The following ARHGAP28 variants were observed in gnomAD, a reference collection of about 807,000 sequenced individuals.
ARHGAP28 encodes Rho GTPase activating protein 28.
In ARHGAP28, 56 loss-of-function variants were observed where a neutral mutation model predicts 90.7. The observed-to-expected ratio is 0.62, with a 90% confidence interval of 0.50 to 0.77. The LOEUF (loss-of-function observed/expected upper bound fraction) is 0.77, where lower values mean the gene tolerates loss of function less well. Ranked by LOEUF, ARHGAP28 falls within the 30% of genes least tolerant of loss-of-function variation. The pLI, the probability that ARHGAP28 is intolerant of heterozygous loss-of-function variation, is 0.00. For synonymous variants in ARHGAP28, 308 were observed against 323.3 expected (o/e 0.95, Z 0.51); for missense variants, 869 against 900.9 (o/e 0.96, Z 0.45).
chr18:6,762,462 C>T (rs2056169165), intron 1 of ARHGAP28, among the ~76,000 whole-genome samples: 1 of 152,204 alleles, frequency 6.6e-6, no homozygotes, highest in Admixed American at 6.5e-5. Flanking sequence ...TCAGTTTCCC[C>T]TTCAACATGC....
intron 1 of ARHGAP28, among the ~76,000 whole-genome samples, chr18:6,802,502 C>T (rs1230247112): frequency 6.6e-6 from 1 of 151,772 alleles, no homozygotes; most frequent in Non-Finnish European, 1.5e-5. Flanking sequence ...CCTGCCACCA[C>T]ATCTGGCTAA....
At chr18:6,882,386 C>A in intron 11 of ARHGAP28, 87 bp downstream of exon 11, 1 of 1,344,354 alleles carries the variant, frequency 7.4e-7, no homozygotes, top group Non-Finnish European at 1.0e-6. Context: ...CAAATGTGCT[C>A]ATGTATAGAT....
intron 16 of ARHGAP28, among the ~76,000 whole-genome samples, chr18:6,899,464 A>G (rs1337611844): frequency 6.6e-6 from 1 of 152,126 alleles, no homozygotes; most frequent in African/African-American, 2.4e-5. Flanking sequence ...TAGCCAAAGG[A>G]TTAGGTAAAG....
intron 5 of ARHGAP28, among the ~76,000 whole-genome samples, chr18:6,861,516 A>G (rs535588414): frequency 3.3e-5 from 5 of 152,292 alleles, no homozygotes; most frequent in African/African-American, 1.2e-4. Flanking sequence ...AGCTCCTGAC[A>G]TGGTCAGACC....
intron 2 of ARHGAP28, among the ~76,000 whole-genome samples, chr18:6,827,907 A>G (rs1476870404): frequency 7.0e-6 from 1 of 143,548 alleles, no homozygotes; most frequent in South Asian, 2.3e-4. Context: ...CCTAGATGGG[A>G]TGGCGGCCGG....
intron 1 of ARHGAP28, among the ~76,000 whole-genome samples, chr18:6,806,313 A>G (rs74590820): frequency 0.017 from 2,641 of 152,218 alleles, 81 homozygotes; most frequent in African/African-American, 0.061. Context: ...GCTATGTATT[A>G]TAATCTTTAT....
intron 10 of ARHGAP28, among the ~76,000 whole-genome samples, chr18:6,877,446 C>G (rs1330887677): frequency 1.3e-5 from 2 of 152,200 alleles, no homozygotes; most frequent in Non-Finnish European, 2.9e-5. Flanking sequence ...CTCACCCCGT[C>G]GTGGGCTGGG....
At chr18:6,753,256 A>G (rs2056084232) in intron 1 of ARHGAP28, among the ~76,000 whole-genome samples, 1 of 152,234 alleles carries the variant, frequency 6.6e-6, no homozygotes, top group Admixed American at 6.5e-5. Flanking sequence ...TGTAATTGCA[A>G]AAGCTTAAAG....
intron 1 of ARHGAP28, among the ~76,000 whole-genome samples, chr18:6,792,085 C>T (rs2056410732): frequency 6.6e-6 from 1 of 152,142 alleles, no homozygotes; most frequent in African/African-American, 2.4e-5. Flanking sequence ...ATGTGAACCA[C>T]TGTGCCTGGT....
At chr18:6,893,174 T>C (rs2057279245) in intron 14 of ARHGAP28, among the ~76,000 whole-genome samples, 1 of 152,186 alleles carries the variant, frequency 6.6e-6, no homozygotes, top group Non-Finnish European at 1.5e-5. Flanking sequence ...ACCCATCAAG[T>C]TCCAAGTTAG....
At chr18:6,798,984 A>G (rs1472046070) in intron 1 of ARHGAP28, among the ~76,000 whole-genome samples, 1 of 152,236 alleles carries the variant, frequency 6.6e-6, no homozygotes, top group Non-Finnish European at 1.5e-5. Flanking sequence ...GTAGTTTAAA[A>G]TTTAATAATT....
At position 6,882,086 on chromosome 18, in the gene ARHGAP28, G is replaced by A. The variant is rs145359473; in HGVS notation, c.1291-51G>A. ...GAACAGTTTTCGAAGGGGAAAATGG[G>A]GTCAGGTGGTAAAAGTGCATTGAAT... On this transcript the variant is annotated intron_variant, in intron 10 of 17. Coordinates refer to ENST00000383472, the MANE Select transcript of ARHGAP28 (RefSeq NM_001366230.1). 3.8e-4 allele frequency: 586 copies of A among 1,531,202 alleles called. 6 individuals carry two copies. The East Asian group carries it at 7.8e-3, about 20-fold the overall frequency. 94.9% of individuals were successfully genotyped at this position (1,531,202 alleles called of 1,614,324 possible). A position where few individuals can be genotyped will look rare whatever the true frequency, so the allele number is the denominator to read the frequency against.
At chr18:6,841,507 T>C (rs1474211575) in intron 3 of ARHGAP28, among the ~76,000 whole-genome samples, 2 of 151,564 alleles carry the variant, frequency 1.3e-5, no homozygotes, top group Middle Eastern at 3.2e-3. Flanking sequence ...AAAATACTTA[T>C]AAAGATATAA....
intron 16 of ARHGAP28, among the ~76,000 whole-genome samples, chr18:6,906,697 G>A (rs1212096190): frequency 1.3e-5 from 2 of 152,096 alleles, no homozygotes; most frequent in Admixed American, 1.3e-4. Context: ...TAATGTAGGA[G>A]AAAACATTTA....
intron 16 of ARHGAP28, among the ~76,000 whole-genome samples, chr18:6,905,777 AAC>A (rs1052147086): frequency 1.3e-5 from 2 of 152,168 alleles, no homozygotes; most frequent in African/African-American, 4.8e-5. Context: ...CAAAAGTAAA[AAC>A]ACAATACCCT....
At chr18:6,744,761 T>G (rs1399286665) in intron 1 of ARHGAP28, among the ~76,000 whole-genome samples, 1 of 152,184 alleles carries the variant, frequency 6.6e-6, no homozygotes, top group Non-Finnish European at 1.5e-5. Flanking sequence ...TCCAATAAGC[T>G]GAACTGATTT....
intron 1 of ARHGAP28, among the ~76,000 whole-genome samples, chr18:6,737,279 T>C (rs1036736327): frequency 6.6e-5 from 10 of 152,178 alleles, no homozygotes; most frequent in Non-Finnish European, 1.2e-4. Flanking sequence ...ATGACTGTTA[T>C]CATTAAGACA....
At chr18:6,842,481 CCT>C (rs913069571) in intron 3 of ARHGAP28, among the ~76,000 whole-genome samples, 1 of 152,216 alleles carries the variant, frequency 6.6e-6, no homozygotes, top group Non-Finnish European at 1.5e-5. Flanking sequence ...ACTGCAGTAG[CCT>C]CTCAGCACTC....
chr18:6,909,116 TTC>T, intron 17 of ARHGAP28, 92 bp downstream of exon 17: 1 of 795,484 alleles, frequency 1.3e-6, no homozygotes, highest in Non-Finnish European at 2.0e-6. Flanking sequence ...TTTTATGAAT[TTC>T]TCAGATAAAA....
Sources: allele counts gnomAD v4.1 joint callset (sites outside exome capture counted in the v4.1 genomes callset), GRCh38; gene constraint gnomAD v4.1.1; transcripts MANE v1.5; gene names NCBI Gene and HGNC (gene_info 2026-07-23, HGNC 2026-07-21).